The following SULF1 variants were observed in gnomAD, a reference collection of about 807,000 sequenced individuals.
The protein encoded by SULF1 is extracellular sulfatase Sulf-1.
Under a neutral mutation model 110.5 loss-of-function variants are expected in SULF1, and 46 were observed. The ratio of observed to expected loss-of-function variants is 0.42; its 90% CI spans 0.33 to 0.53. SULF1 has a LOEUF of 0.53. SULF1 is among the 20% of genes least tolerant of loss of function. SULF1 has a pLI of 0.12. For synonymous variants in SULF1, 371 were observed against 387.1 expected (o/e 0.96, Z 0.49); for missense variants, 941 against 1,094.2 (o/e 0.86, Z 1.98).
At position 69,603,605 on chromosome 8, in the gene SULF1, G is replaced by A. The variant is rs775901136; in HGVS notation, c.1196G>A (p.Arg399Gln). The change falls in exon 12 of 23, where the codon CGA becomes CAA. Residue 399 changes from arginine to glutamine, a missense_variant. This residue lies in a region of SULF1 where 822 missense variants were observed against 934.3 expected (regional missense o/e 0.88). Transcript: ENST00000402687. ...TATTATCATTTTGCTTTCAGGTTTC[G>A]AACAAACAAGAAGGCCAAAATTTGG... is the stretch of plus-strand genomic sequence containing the variant. ...LDPEKPGNRF[R>Q]TNKKAKIWRD... The A allele has an allele frequency of 3.1e-6, 5 of 1,613,084 alleles. No homozygotes were observed. The South Asian group carries it at 3.3e-5, about 11-fold the overall frequency.
At position 69,610,848 on chromosome 8, in the gene SULF1, C is replaced by A. The variant is rs557734174; in HGVS notation, c.1377+5916C>A. Among the ~76,000 whole-genome samples the A allele has an allele frequency of 2.0e-5, 3 of 152,320 alleles. No individual in the cohort carries two copies. The South Asian group carries it at 6.2e-4, about 32-fold the overall frequency. ...TGTTTCTTAAATGTTACATGTGAAT[C>A]CCACTTTCTCACTTGCATGGAGGTT... On this transcript the variant is annotated intron_variant, in intron 13 of 22. Coordinates refer to ENST00000402687, the MANE Select transcript of SULF1 (RefSeq NM_001128205.2).
intron 1 of SULF1, among the ~76,000 whole-genome samples, chr8:69,483,848 A>G (rs963891018): frequency 6.6e-6 from 1 of 152,194 alleles, no homozygotes; most frequent in African/African-American, 2.4e-5. Flanking sequence ...ACTGAGAAAG[A>G]TGTCTGTTTT....
At chr8:69,548,863 A>G (rs16936061) in intron 3 of SULF1, among the ~76,000 whole-genome samples, 2,892 of 152,222 alleles carry the variant, frequency 0.019, 81 homozygotes, top group African/African-American at 0.066. Context: ...TGTATAATTA[A>G]TGTTTGAAAG....
intron 5 of SULF1, among the ~76,000 whole-genome samples, chr8:69,573,208 C>T (rs1805363905): frequency 6.6e-6 from 1 of 152,158 alleles, no homozygotes; most frequent in Non-Finnish European, 1.5e-5. Context: ...GTCTTGGTTC[C>T]TTTTGACGTG....
chr8:69,558,546 G>T (rs1001727885), intron 3 of SULF1, among the ~76,000 whole-genome samples: 2 of 151,914 alleles, frequency 1.3e-5, no homozygotes, highest in Non-Finnish European at 2.9e-5. Context: ...GTTATCCTTG[G>T]GTAATAAAAA....
intron 3 of SULF1, among the ~76,000 whole-genome samples, chr8:69,537,458 A>AT (rs1052755666): frequency 2.5e-4 from 38 of 152,204 alleles, no homozygotes; most frequent in Middle Eastern, 3.4e-3. Flanking sequence ...CTGTTAAGAG[A>AT]TTTTTTTTGA....
chr8:69,605,217 T>G (rs1808145116), intron 13 of SULF1, among the ~76,000 whole-genome samples: 1 of 152,194 alleles, frequency 6.6e-6, no homozygotes, highest in African/African-American at 2.4e-5. Flanking sequence ...AGATTCCTGT[T>G]ATAGTCCCTG....
intron 6 of SULF1, among the ~76,000 whole-genome samples, chr8:69,579,949 A>G (rs1330663012): frequency 1.3e-5 from 2 of 152,246 alleles, no homozygotes; most frequent in Non-Finnish European, 2.9e-5. Flanking sequence ...CTATACATAC[A>G]TAAATATCCA....
intron 18 of SULF1, among the ~76,000 whole-genome samples, chr8:69,628,847 G>A (rs995867491): frequency 6.6e-6 from 1 of 152,176 alleles, no homozygotes; most frequent in Non-Finnish European, 1.5e-5. Context: ...CTCGATGGCT[G>A]ATTGGTACTC....
intron 1 of SULF1, among the ~76,000 whole-genome samples, chr8:69,485,704 T>C (rs1809676950): frequency 6.6e-6 from 1 of 152,192 alleles, no homozygotes; most frequent in South Asian, 2.1e-4. Context: ...CTTTATACTC[T>C]CCGCCCAATG....
At chr8:69,655,319 C>A (rs966787161) in intron 22 of SULF1, among the ~76,000 whole-genome samples, 18 of 152,314 alleles carry the variant, frequency 1.2e-4, no homozygotes, top group African/African-American at 4.3e-4. Flanking sequence ...ACCCCCCATA[C>A]CCACTCATTT....
chr8:69,605,765 T>G (rs1000851287), intron 13 of SULF1, among the ~76,000 whole-genome samples: 1 of 152,218 alleles, frequency 6.6e-6, no homozygotes, highest in African/African-American at 2.4e-5. Context: ...TGAAAAATAC[T>G]AACACATAGT....
intron 1 of SULF1, among the ~76,000 whole-genome samples, chr8:69,468,547 CTGAG>C (rs1319146274): frequency 2.0e-5 from 3 of 152,104 alleles, no homozygotes; most frequent in Admixed American, 1.3e-4. Context: ...GTTATTCCGA[CTGAG>C]TATTATCTGA....
At chr8:69,603,410 C>G in intron 11 of SULF1, 90 bp downstream of exon 11, 1 of 1,586,666 alleles carries the variant, frequency 6.3e-7, no homozygotes. Context: ...GACATGGAGG[C>G]AGAATATGCC....
Position 69,612,276 on chromosome 8 carries a change from A to T in SULF1, c.1377+7344A>T, listed in dbSNP as rs78774065. On this transcript the variant is annotated intron_variant, in intron 13 of 22. Transcript: ENST00000402687. ...TTGATGGGCATTTAGGCTGGGTTCC[A>T]TATTTTTGTAATTGCTAATTGTGCT... Among the ~76,000 whole-genome samples the T allele has an allele frequency of 3.7e-3, 561 of 152,240 alleles. 3 individuals carry two copies. The highest frequency in any genetic ancestry group is 0.013 in the African/African-American group (538 of 41,566).
intron 3 of SULF1, among the ~76,000 whole-genome samples, chr8:69,546,993 G>A (rs533098469): frequency 6.6e-6 from 1 of 152,310 alleles, no homozygotes; most frequent in African/African-American, 2.4e-5. Context: ...TCCTTTGCTT[G>A]TCTGTACATT....
At chr8:69,574,992 CAT>C (rs1443660438) in intron 5 of SULF1, among the ~76,000 whole-genome samples, 2 of 152,172 alleles carry the variant, frequency 1.3e-5, no homozygotes, top group African/African-American at 2.4e-5. Context: ...TGCTGGAAAA[CAT>C]AGACTTTCTT....
intron 19 of SULF1, among the ~76,000 whole-genome samples, chr8:69,632,277 T>C (rs1022586329): frequency 6.6e-6 from 1 of 152,188 alleles, no homozygotes; most frequent in South Asian, 2.1e-4. Flanking sequence ...TCTGGTATTC[T>C]AGGACAGTGG....
intron 13 of SULF1, among the ~76,000 whole-genome samples, chr8:69,619,863 C>T (rs1053103178): frequency 2.0e-5 from 3 of 152,098 alleles, no homozygotes; most frequent in Non-Finnish European, 4.4e-5. Flanking sequence ...GGGCGGGTGC[C>T]GACGGCCCCA....
Sources: allele counts gnomAD v4.1 joint callset (sites outside exome capture counted in the v4.1 genomes callset), GRCh38; gene constraint gnomAD v4.1.1; regional missense constraint gnomAD v4.1.1; transcripts MANE v1.5; gene names NCBI Gene and HGNC (gene_info 2026-07-23, HGNC 2026-07-21).